Variants in KIAA1217 observed in about 807,000 individuals in gnomAD.
The protein encoded by KIAA1217 is KIAA1217, also known as sickle tail protein homolog.
Under a neutral mutation model 163.9 loss-of-function variants are expected in KIAA1217, and 88 were observed. The ratio of observed to expected loss-of-function variants is 0.54; its 90% CI spans 0.45 to 0.64. The LOEUF is 0.64. Ranked by LOEUF, KIAA1217 falls within the 30% of genes least tolerant of loss-of-function variation. The pLI is 0.00. For missense variants in KIAA1217, 2,372 were observed against 2,475.0 expected (o/e 0.96, Z 0.88); for synonymous variants, 903 against 923.1 (o/e 0.98, Z 0.39).
At chr10:24,091,558 T>C (rs1021835339) in intron 2 of KIAA1217, among the ~76,000 whole-genome samples, 1 of 151,872 alleles carries the variant, frequency 6.6e-6, no homozygotes, top group African/African-American at 2.4e-5. Context: ...GGAACTTTCA[T>C]GAGCATGCTG....
chr10:23,867,323 G>A (rs1334965028), intron 1 of KIAA1217, among the ~76,000 whole-genome samples: 1 of 151,738 alleles, frequency 6.6e-6, no homozygotes, highest in African/African-American at 2.4e-5. Flanking sequence ...GTGTGCATGT[G>A]TCTTTATAGC....
chr10:24,041,861 A>G (rs1044207052), intron 2 of KIAA1217, among the ~76,000 whole-genome samples: 5 of 152,074 alleles, frequency 3.3e-5, no homozygotes, highest in African/African-American at 1.2e-4. Context: ...TATGTATTGT[A>G]CCTGAGTGGG....
At chr10:24,391,591 C>G (rs1294263404) in intron 3 of KIAA1217, among the ~76,000 whole-genome samples, 1 of 152,056 alleles carries the variant, frequency 6.6e-6, no homozygotes, top group Non-Finnish European at 1.5e-5. Flanking sequence ...GTGATCCACC[C>G]ACCTCAGCCT....
At chr10:24,449,687 G>GGAGA in intron 5 of KIAA1217, 2 of 985,426 alleles carry the variant, frequency 2.0e-6, no homozygotes, top group Non-Finnish European at 1.2e-6. Flanking sequence ...TGAAAGCATT[G>GGAGA]GAGAGAGGGG....
intron 1 of KIAA1217, among the ~76,000 whole-genome samples, chr10:23,965,644 G>A (rs989282498): frequency 6.6e-6 from 1 of 152,190 alleles, no homozygotes; most frequent in South Asian, 2.1e-4. Context: ...CTACAAGGAT[G>A]CAGGAAGCAA....
chr10:24,031,106 C>T (rs746089389), intron 2 of KIAA1217, among the ~76,000 whole-genome samples: 1 of 152,166 alleles, frequency 6.6e-6, no homozygotes, highest in South Asian at 2.1e-4. Flanking sequence ...ACTACCATTG[C>T]ATTTTCCACA....
chr10:24,262,619 C>T (rs143790497), intron 2 of KIAA1217, among the ~76,000 whole-genome samples: 2,094 of 145,854 alleles, frequency 0.014, 28 homozygotes, highest in South Asian at 0.071. Context: ...AGCGAGACTC[C>T]GTCTCAAAGA....
intron 2 of KIAA1217, among the ~76,000 whole-genome samples, chr10:24,229,629 T>TGCCTCAGCCTCCC (rs1454550417): frequency 6.6e-6 from 1 of 152,190 alleles, no homozygotes; most frequent in African/African-American, 2.4e-5. Flanking sequence ...GCAAGTCTCC[T>TGCCTCAGCCTCCC]GCCTCAGCCT....
At chr10:24,031,698 T>C (rs1392051052) in intron 2 of KIAA1217, among the ~76,000 whole-genome samples, 1 of 151,786 alleles carries the variant, frequency 6.6e-6, no homozygotes, top group Non-Finnish European at 1.5e-5. Context: ...TGTTTGTGTG[T>C]GTGTGTGGGT....
At chr10:23,856,711 A>G (rs1934350071) in intron 1 of KIAA1217, among the ~76,000 whole-genome samples, 1 of 152,216 alleles carries the variant, frequency 6.6e-6, no homozygotes, top group Non-Finnish European at 1.5e-5. Context: ...AACCTGGGCA[A>G]TGGCAGGCGC....
At chr10:23,799,302 C>A (rs1007636103) in intron 1 of KIAA1217, among the ~76,000 whole-genome samples, 1 of 152,090 alleles carries the variant, frequency 6.6e-6, no homozygotes, top group Non-Finnish European at 1.5e-5. Context: ...GGAAACTATT[C>A]GACTCCTAAC....
At chr10:23,855,014 A>G (rs1037528007) in intron 1 of KIAA1217, among the ~76,000 whole-genome samples, 107 of 152,266 alleles carry the variant, frequency 7.0e-4, no homozygotes, top group Middle Eastern at 3.4e-3. Flanking sequence ...GTCCATTTAC[A>G]TTTAAAGTTA....
intron 5 of KIAA1217, among the ~76,000 whole-genome samples, chr10:24,446,340 T>C (rs2060931164): frequency 6.6e-6 from 1 of 152,144 alleles, no homozygotes. Context: ...ATGGTATCTT[T>C]TTATATTTAA....
At chr10:24,277,116 T>C (rs1191253706) in intron 2 of KIAA1217, among the ~76,000 whole-genome samples, 1 of 152,222 alleles carries the variant, frequency 6.6e-6, no homozygotes, top group East Asian at 1.9e-4. Context: ...CTTAGAATCA[T>C]GTCCCTAGTT....
chr10:24,417,386 C>G (rs1241935885), intron 3 of KIAA1217, among the ~76,000 whole-genome samples: 1 of 152,192 alleles, frequency 6.6e-6, no homozygotes, highest in African/African-American at 2.4e-5. Flanking sequence ...AAGTCTCTCT[C>G]CATAGCTGCC....
chr10:24,028,856 G>A lies in KIAA1217; in HGVS notation c.-171+21482G>A, dbSNP rs964365026. 4.6e-5 allele frequency among the ~76,000 whole-genome samples: 7 copies of A among 152,122 alleles called. No homozygotes were observed. The South Asian group carries it at 1.5e-3, about 32-fold the overall frequency. ...TGCTTCTGTAAATAAGTGTTATGTT[G>A]AATATTTTAAAATGTATCATTGTGA... is the stretch of plus-strand genomic sequence containing the variant. On this transcript the variant is annotated intron_variant, in intron 2 of 18. Coordinates refer to the KIAA1217 transcript ENST00000376462.
intron 1 of KIAA1217, among the ~76,000 whole-genome samples, chr10:23,782,820 C>T (rs1015886257): frequency 2.0e-5 from 3 of 152,082 alleles, no homozygotes; most frequent in Non-Finnish European, 4.4e-5. Context: ...ATTTGGATGC[C>T]TTTAATTACT....
chr10:24,539,388 C>A (rs1015022797), intron 17 of KIAA1217, among the ~76,000 whole-genome samples: 1 of 152,008 alleles, frequency 6.6e-6, no homozygotes, highest in Non-Finnish European at 1.5e-5. Context: ...ACCACCACAC[C>A]CGGCTAATTT....
At chr10:24,508,236 T>A (rs1362072178) in intron 9 of KIAA1217, among the ~76,000 whole-genome samples, 1 of 152,176 alleles carries the variant, frequency 6.6e-6, no homozygotes, top group Admixed American at 6.6e-5. Flanking sequence ...ATCAACGTAT[T>A]TGACCTTATT....
Sources: allele counts gnomAD v4.1 joint callset (sites outside exome capture counted in the v4.1 genomes callset), GRCh38; gene constraint gnomAD v4.1.1; transcripts MANE v1.5; gene names NCBI Gene and HGNC (gene_info 2026-07-23, HGNC 2026-07-21).